Variants in PAPOLA observed in about 807,000 individuals in gnomAD.
PAPOLA encodes poly(A) polymerase alpha.
PAPOLA carries 15 observed loss-of-function variants against 100.6 expected under a neutral mutation model. The observed-to-expected ratio is 0.15, with a 90% CI of 0.10 to 0.23. The LOEUF is 0.23. PAPOLA is among the 10% of genes least tolerant of loss of function. PAPOLA has a pLI of 1.00. For synonymous variants in PAPOLA, 293 were observed against 300.0 expected (o/e 0.98, Z 0.24); for missense variants, 533 against 884.2 (o/e 0.60, Z 5.04).
chr14:96,507,437 G>A (rs1016294474), intron 1 of PAPOLA, among the ~76,000 whole-genome samples: 44 of 151,398 alleles, frequency 2.9e-4, no homozygotes, highest in Admixed American at 7.2e-4. Flanking sequence ...ACAGGCGCCC[G>A]CCACTGCGCC....
At chr14:96,560,413 G>T (rs1901744241) in intron 19 of PAPOLA, 2 of 387,452 alleles carry the variant, frequency 5.2e-6, no homozygotes, top group Non-Finnish European at 9.1e-6. Flanking sequence ...TGTACTTTAG[G>T]TGGTGATCTG....
intron 12 of PAPOLA, chr14:96,537,361 C>T (rs1022069500): frequency 4.2e-5 from 10 of 238,862 alleles, no homozygotes; most frequent in African/African-American, 2.0e-4. Context: ...CAAGTGGATG[C>T]ACCCTGAAAA....
rs1374982996 is a variant in PAPOLA, at chr14:96,565,752, G to A, written c.*702G>A. On this transcript the variant is annotated 3_prime_UTR_variant, in exon 22 of 22. Transcript: ENST00000216277. ...TGTTTTATAGTGCATACAAATCAGC[G>A]ATCAGCCAGCAAATATTTTTCTTTG... 2.3e-5 allele frequency: 9 copies of A among 398,124 alleles called. No homozygotes were observed. The Admixed American group carries it at 3.1e-4, about 14-fold the overall frequency. 24.7% of individuals were successfully genotyped at this position (398,124 alleles called of 1,614,324 possible). A position where few individuals can be genotyped will look rare whatever the true frequency, so the allele number is the denominator to read the frequency against.
At position 96,536,018 on chromosome 14, in the gene PAPOLA, G is replaced by A. The variant is rs373009601; in HGVS notation, c.1030+19G>A. The A allele has an allele frequency of 1.3e-4, 205 of 1,565,032 alleles. No individual in the cohort carries two copies. Among genetic ancestry groups the A allele is most frequent in the Middle Eastern group, 8.4e-4 (5 of 5,930 alleles). On this transcript the variant is annotated intron_variant, in intron 11 of 21. Transcript: ENST00000216277. ...AAACAAGGTAAGTGTTTATCCTTAT[G>A]CTCTGATTTATACAGGAAGGATTTA...
In PAPOLA at chr14:96,536,961, A is replaced by G. The variant is rs1193734875; in HGVS notation, c.1031-15A>G. 7.4e-6 allele frequency: 11 copies of G among 1,486,062 alleles called. No homozygotes were observed. In the South Asian group the frequency reaches 7.9e-5, roughly 11 times the overall value. 92.1% of individuals were successfully genotyped at this position (1,486,062 alleles called of 1,614,324 possible). A position where few individuals can be genotyped will look rare whatever the true frequency, so the allele number is the denominator to read the frequency against. ...GACTGAAGTATGCAAACATTTTAAT[A>G]TGTTTTTAATTTAGGTCTTGCTATC... On this transcript the variant is annotated splice_polypyrimidine_tract_variant and intron_variant, in intron 11 of 21. Coordinates refer to ENST00000216277, the MANE Select transcript of PAPOLA (RefSeq NM_032632.5).
intron 4 of PAPOLA, chr14:96,526,015 CTT>C (rs1317836307): frequency 1.3e-5 from 2 of 152,080 alleles, no homozygotes; most frequent in Non-Finnish European, 2.9e-5. Flanking sequence ...CCGCTAATAC[CTT>C]TATAGACAAA....
At chr14:96,537,697 A>G (rs1013811493) in intron 12 of PAPOLA, 1 of 152,012 alleles carries the variant, frequency 6.6e-6, no homozygotes, top group African/African-American at 2.4e-5. Context: ...AATGTAAGTT[A>G]TAATCTTATT....
chr14:96,534,833 T>C, intron 10 of PAPOLA: 3 of 1,155,122 alleles, frequency 2.6e-6, no homozygotes, highest in Non-Finnish European at 3.2e-6. Flanking sequence ...AGAACTACCT[T>C]GTAAGTCAAA....
chr14:96,516,771 TC>T (rs1296082452), intron 1 of PAPOLA, among the ~76,000 whole-genome samples: 2 of 152,218 alleles, frequency 1.3e-5, no homozygotes, highest in Non-Finnish European at 2.9e-5. Flanking sequence ...CTGATTTATT[TC>T]CCCATCAAAA....
intron 9 of PAPOLA, chr14:96,533,147 A>C: frequency 2.0e-6 from 2 of 984,030 alleles, no homozygotes; most frequent in Non-Finnish European, 2.4e-6. Flanking sequence ...ACAAAAAAGG[A>C]ATTTGAGATT....
At chr14:96,559,577 C>CTA (rs1266017605) in intron 19 of PAPOLA, among the ~76,000 whole-genome samples, 1,585 of 110,590 alleles carry the variant, frequency 0.014, 16 homozygotes, top group African/African-American at 0.042. Context: ...CTCTCTCTCT[C>CTA]TCTCTATATA....
intron 17 of PAPOLA, among the ~76,000 whole-genome samples, chr14:96,554,148 T>C (rs1012133146): frequency 6.6e-6 from 1 of 152,254 alleles, no homozygotes; most frequent in African/African-American, 2.4e-5. Flanking sequence ...TTTTGAAGTT[T>C]AGTTTCTTGA....
intron 1 of PAPOLA, 164 bp downstream of exon 1, chr14:96,502,764 G>A: frequency 1.6e-6 from 1 of 636,720 alleles, no homozygotes. Context: ...CTCGCTCGCC[G>A]CCGCACTTCC....
chr14:96,545,047 C>G (rs1900277403), intron 15 of PAPOLA, among the ~76,000 whole-genome samples: 1 of 152,054 alleles, frequency 6.6e-6, no homozygotes, highest in African/African-American at 2.4e-5. Context: ...CGCATTTCTT[C>G]TTTAAGGACT....
chr14:96,530,892 G>A (rs896439257), intron 6 of PAPOLA, among the ~76,000 whole-genome samples: 8 of 152,054 alleles, frequency 5.3e-5, no homozygotes, highest in African/African-American at 7.2e-5. Context: ...TTGACTTACC[G>A]CAACCTCCGC....
intron 19 of PAPOLA, among the ~76,000 whole-genome samples, chr14:96,559,218 T>G (rs1901609171): frequency 6.6e-6 from 1 of 151,908 alleles, no homozygotes; most frequent in Non-Finnish European, 1.5e-5. Flanking sequence ...AGAGGCAGGA[T>G]TAGAACCCAG....
chr14:96,513,425 A>G (rs527274689), intron 1 of PAPOLA, among the ~76,000 whole-genome samples: 62 of 152,264 alleles, frequency 4.1e-4, no homozygotes, highest in African/African-American at 1.4e-3. Flanking sequence ...TAAAGAGAAT[A>G]TGTCTTCCAA....
intron 9 of PAPOLA, chr14:96,533,577 C>A (rs773712650): frequency 2.1e-4 from 186 of 883,128 alleles, no homozygotes; most frequent in Non-Finnish European, 2.4e-4. Flanking sequence ...TTGTTTGAGA[C>A]GGAGTCTCAC....
chr14:96,542,538 T>C, intron 13 of PAPOLA: 1 of 546,884 alleles, frequency 1.8e-6, no homozygotes, highest in East Asian at 3.1e-5. Flanking sequence ...TAAAGTGCAC[T>C]TATAGCTTGT....
Sources: allele counts gnomAD v4.1 joint callset (sites outside exome capture counted in the v4.1 genomes callset), GRCh38; gene constraint gnomAD v4.1.1; transcripts MANE v1.5; gene names NCBI Gene and HGNC (gene_info 2026-07-23, HGNC 2026-07-21).